TLN2: variants seen among roughly 807,000 people sequenced by gnomAD.
TLN2 encodes the protein talin-2.
TLN2 carries 118 observed loss-of-function variants against 294.7 expected under a neutral mutation model. The ratio of observed to expected loss-of-function variants is 0.40; its 90% CI spans 0.34 to 0.47. The LOEUF (loss-of-function observed/expected upper bound fraction) is 0.47. TLN2 is among the 20% of genes least tolerant of loss of function. The probability of loss-of-function intolerance (pLI) is 0.84; values close to 1 mark genes in which losing one functional copy is unlikely to be tolerated. For missense variants in TLN2, 3,083 were observed against 3,282.2 expected (o/e 0.94, Z 1.48); for synonymous variants, 1,431 against 1,304.5 (o/e 1.10, Z -2.09).
intron 1 of TLN2, among the ~76,000 whole-genome samples, chr15:62,427,716 C>T (rs780040623): frequency 6.6e-6 from 1 of 152,156 alleles, no homozygotes; most frequent in South Asian, 2.1e-4. Flanking sequence ...GGGCAGTTGG[C>T]AGTTTCTGCT....
At chr15:62,514,747 A>G (rs985349401) in intron 1 of TLN2, among the ~76,000 whole-genome samples, 1 of 152,342 alleles carries the variant, frequency 6.6e-6, no homozygotes, top group Non-Finnish European at 1.5e-5. Context: ...AGTAGTCCTT[A>G]AGTGAGTATT....
chr15:62,445,422 C>T (rs1020442222), intron 1 of TLN2, among the ~76,000 whole-genome samples: 1 of 152,178 alleles, frequency 6.6e-6, no homozygotes, highest in Non-Finnish European at 1.5e-5. Flanking sequence ...ACAGTGTCAT[C>T]ATTGGAACTC....
chr15:62,838,912 G>A lies in TLN2; in HGVS notation c.7431G>A (p.Lys2477=), dbSNP rs1180718172. The change falls in exon 58 of 59, where the codon AAG becomes AAA. Residue 2477 remains lysine, a synonymous_variant. Transcript: ENST00000636159. ...ACAATCTTGTCCGTGCAGCCCAGAAGGCAGCTTTTGGCAAAGCTGATGACG... is the reference window on the plus strand; with the variant it reads ...ACAATCTTGTCCGTGCAGCCCAGAAAGCAGCTTTTGGCAAAGCTGATGACG... The part of the protein sequence containing the change: ...ASDNLVRAAQ[K]AAFGKADDDD... The A allele has an allele frequency of 1.2e-6, 2 of 1,612,614 alleles. No individual in the cohort carries two copies. Among genetic ancestry groups the A allele is most frequent in the African/African-American group, 1.4e-5 (1 of 73,622 alleles).
chr15:62,454,057 G>A (rs560311632), intron 1 of TLN2, among the ~76,000 whole-genome samples: 23 of 152,222 alleles, frequency 1.5e-4, no homozygotes, highest in Non-Finnish European at 3.4e-4. Flanking sequence ...CTGTGGCTCA[G>A]AGGAGACGGG....
chr15:62,728,241 C>T (rs1308959390), intron 28 of TLN2, among the ~76,000 whole-genome samples: 5 of 152,158 alleles, frequency 3.3e-5, no homozygotes. Flanking sequence ...ACAATATGTG[C>T]CCCTCGTGCC....
At chr15:62,728,873 CT>C (rs989483705) in intron 28 of TLN2, among the ~76,000 whole-genome samples, 1 of 152,072 alleles carries the variant, frequency 6.6e-6, no homozygotes. Flanking sequence ...CCAATTTATA[CT>C]TTTTTTCTTT....
intron 22 of TLN2, among the ~76,000 whole-genome samples, chr15:62,713,298 A>T (rs1273257422): frequency 4.6e-5 from 7 of 150,728 alleles, no homozygotes; most frequent in African/African-American, 1.7e-4. Context: ...AACAAAAAAT[A>T]GATTCATTAA....
At chr15:62,699,646 C>T (rs988760610) in intron 16 of TLN2, among the ~76,000 whole-genome samples, 3 of 152,172 alleles carry the variant, frequency 2.0e-5, no homozygotes, top group African/African-American at 7.2e-5. Flanking sequence ...GTAAGAGGTG[C>T]AGAATCTTGG....
At chr15:62,577,838 C>G (rs964268918) in intron 1 of TLN2, among the ~76,000 whole-genome samples, 1 of 152,144 alleles carries the variant, frequency 6.6e-6, no homozygotes, top group Non-Finnish European at 1.5e-5. Flanking sequence ...TGCTATCCCT[C>G]CCCCAGCCTC....
intron 2 of TLN2, among the ~76,000 whole-genome samples, chr15:62,596,567 G>C (rs896779222): frequency 4.0e-5 from 6 of 151,724 alleles, no homozygotes; most frequent in African/African-American, 1.5e-4. Flanking sequence ...GCAAAACCCC[G>C]TCTCTACTAA....
At chr15:62,410,738 A>G (rs532087248) in intron 1 of TLN2, among the ~76,000 whole-genome samples, 2 of 152,218 alleles carry the variant, frequency 1.3e-5, no homozygotes, top group Admixed American at 6.5e-5. Flanking sequence ...GTGGGAGTTC[A>G]CAGAGGTTTG....
At chr15:62,798,037 G>C (rs1295905422) in intron 48 of TLN2, among the ~76,000 whole-genome samples, 2 of 152,212 alleles carry the variant, frequency 1.3e-5, no homozygotes, top group Non-Finnish European at 2.9e-5. Context: ...CCAGGATGGA[G>C]TGTTTCAACC....
At chr15:62,620,371 T>C (rs1480089559) in intron 3 of TLN2, among the ~76,000 whole-genome samples, 16 of 152,196 alleles carry the variant, frequency 1.1e-4, no homozygotes, top group Non-Finnish European at 7.3e-5. Context: ...GAAGAAGTTT[T>C]CCGTGAAAAA....
At chr15:62,403,663 C>G (rs2033186635) in intron 1 of TLN2, among the ~76,000 whole-genome samples, 1 of 152,172 alleles carries the variant, frequency 6.6e-6, no homozygotes. Context: ...GGAACCCTTC[C>G]ACTGGCTTCC....
chr15:62,493,647 G>T (rs913618692), intron 1 of TLN2, among the ~76,000 whole-genome samples: 3 of 148,010 alleles, frequency 2.0e-5, no homozygotes, highest in Non-Finnish European at 4.5e-5. Flanking sequence ...GTCTCACTCT[G>T]TTGACCAGGC....
chr15:62,757,532 T>G (rs1332732938), intron 37 of TLN2, among the ~76,000 whole-genome samples: 1 of 152,332 alleles, frequency 6.6e-6, no homozygotes, highest in Non-Finnish European at 1.5e-5. Context: ...TGGAGCCCTT[T>G]CTTGTCTGCC....
chr15:62,794,512 G>C (rs537649755), intron 46 of TLN2, among the ~76,000 whole-genome samples: 55 of 152,224 alleles, frequency 3.6e-4, no homozygotes, highest in African/African-American at 1.3e-3. Context: ...CTCTCTCCCA[G>C]ACACATATAC....
rs143626692 is a variant in TLN2, at chr15:62,403,567, A to C, written c.-238+12882A>C. ...ACTTATTAAGGTAGTGGCAATACCC[A>C]TGTGGTACAATCCAGTGGCTAACTC... On this transcript the variant is annotated intron_variant, in intron 1 of 58. Coordinates refer to ENST00000636159, the MANE Select transcript of TLN2 (RefSeq NM_015059.3). Among the ~76,000 whole-genome samples, 674 of 152,280 alleles carry C rather than the reference A, an allele frequency of 4.4e-3. 1 individual carries two copies. The highest frequency in any genetic ancestry group is 7.8e-3 in the Non-Finnish European group (529 of 68,012).
chr15:62,805,524 G>C, intron 50 of TLN2, 76 bp from the exon 51 acceptor site: 1 of 1,433,068 alleles, frequency 7.0e-7, no homozygotes, highest in Non-Finnish European at 9.3e-7. Context: ...ACAAGCTACA[G>C]CCTGGTTGGA....
Sources: allele counts gnomAD v4.1 joint callset (sites outside exome capture counted in the v4.1 genomes callset), GRCh38; gene constraint gnomAD v4.1.1; transcripts MANE v1.5; gene names NCBI Gene and HGNC (gene_info 2026-07-23, HGNC 2026-07-21).